SLC4A4: variants seen among roughly 807,000 people sequenced by gnomAD.
SLC4A4 encodes solute carrier family 4 member 4, also known as electrogenic sodium bicarbonate cotransporter 1.
A neutral mutation model predicts 111.5 loss-of-function variants in SLC4A4; 27 were observed. That is an observed-to-expected ratio of 0.24 (90% CI 0.18 to 0.33). The LOEUF (loss-of-function observed/expected upper bound fraction) is 0.33, where lower values mean the gene tolerates loss of function less well. SLC4A4 is among the 10% of genes least tolerant of loss of function. The pLI, the probability that SLC4A4 is intolerant of heterozygous loss-of-function variation, is 1.00. For missense variants in SLC4A4, 909 were observed against 1,315.5 expected, an observed-to-expected ratio of 0.69 and a Z score of 4.78; for synonymous variants, 443 against 463.4, an observed-to-expected ratio of 0.96 and a Z score of 0.57.
intron 6 of SLC4A4, among the ~76,000 whole-genome samples, chr4:71,385,189 A>ATTTTTTTT (rs1194914064): frequency 4.0e-4 from 6 of 15,000 alleles, no homozygotes; most frequent in African/African-American, 7.3e-4. Flanking sequence ...ATATATATAT[A>ATTTTTTTT]TATTTTTTTT....
chr4:71,566,676 A>T (rs1437604904), intron 24 of SLC4A4, among the ~76,000 whole-genome samples: 1 of 151,796 alleles, frequency 6.6e-6, no homozygotes, highest in Non-Finnish European at 1.5e-5. Context: ...CAGCAGGCAA[A>T]CCTAGGAATA....
chr4:71,155,566 G>A (rs868767756), intron 2 of SLC4A4, among the ~76,000 whole-genome samples: 1 of 152,046 alleles, frequency 6.6e-6, no homozygotes, highest in African/African-American at 2.4e-5. Flanking sequence ...GGGTTCAAGC[G>A]CTTCTCCCCC....
Position 71,319,745 on chromosome 4 carries a change from A to G in SLC4A4, c.254-19625A>G, listed in dbSNP as rs940984012. On this transcript the variant is annotated intron_variant, in intron 3 of 25. Transcript: ENST00000264485. Reference sequence around the variant, plus strand: ...ATTTGATTCCTCCAGCCATGGATGTACCTTTAGTATTCTCTTCACTCTTCC... The same window carrying G: ...ATTTGATTCCTCCAGCCATGGATGTGCCTTTAGTATTCTCTTCACTCTTCC... Among the ~76,000 whole-genome samples, 4 of 152,090 alleles carry G rather than the reference A, an allele frequency of 2.6e-5. No individual in the cohort carries two copies. In the South Asian group the frequency reaches 8.3e-4, roughly 31 times the overall value.
chr4:71,557,511 C>T (rs931732859), intron 21 of SLC4A4, among the ~76,000 whole-genome samples: 2 of 151,870 alleles, frequency 1.3e-5, no homozygotes, highest in African/African-American at 4.8e-5. Context: ...ACATAACATT[C>T]CCGCAATATA....
intron 14 of SLC4A4, chr4:71,473,382 G>T: frequency 5.2e-6 from 2 of 383,640 alleles, no homozygotes; most frequent in Non-Finnish European, 9.3e-6. Flanking sequence ...TTTAATACAT[G>T]ATTTTAAACT....
intron 7 of SLC4A4, among the ~76,000 whole-genome samples, chr4:71,406,849 T>C (rs1363457043): frequency 6.6e-6 from 1 of 152,124 alleles, no homozygotes; most frequent in Non-Finnish European, 1.5e-5. Flanking sequence ...GTACTCTTCA[T>C]CATTCAGTAG....
In SLC4A4 at chr4:71,567,869, C is replaced by A; in HGVS notation, c.*118C>A. ...AAGACAATGATTATTTCTGGAGGAG[C>A]AAGGGAACAGAAACTACATTGTAAC... On this transcript the variant is annotated 3_prime_UTR_variant, in exon 26 of 26. Coordinates refer to ENST00000264485, the MANE Select transcript of SLC4A4 (RefSeq NM_001098484.3). 1 of 1,526,434 alleles carries A rather than the reference C, an allele frequency of 6.6e-7. No individual in the cohort carries two copies. Among genetic ancestry groups the A allele is most frequent in the Non-Finnish European group, 8.9e-7 (1 of 1,129,872 alleles). 94.6% of individuals were successfully genotyped at this position (1,526,434 alleles called of 1,614,324 possible). A position where few individuals can be genotyped will look rare whatever the true frequency, so the allele number is the denominator to read the frequency against.
intron 6 of SLC4A4, among the ~76,000 whole-genome samples, chr4:71,357,862 C>T (rs879422051): frequency 6.6e-6 from 1 of 151,944 alleles, no homozygotes; most frequent in Admixed American, 6.6e-5. Context: ...TGTATCATGG[C>T]GTTTGTTTCA....
At chr4:71,190,325 T>C (rs1745668430) in intron 1 of SLC4A4, among the ~76,000 whole-genome samples, 1 of 151,910 alleles carries the variant, frequency 6.6e-6, no homozygotes, top group Admixed American at 6.6e-5. Context: ...TGCACAGCTT[T>C]GGTTATTTTT....
At chr4:71,113,616 A>T (rs1029417823) in intron 2 of SLC4A4, among the ~76,000 whole-genome samples, 38 of 152,148 alleles carry the variant, frequency 2.5e-4, no homozygotes, top group African/African-American at 8.7e-4. Context: ...TGCGGTGGTC[A>T]TGCACTTTAA....
At chr4:71,289,110 T>C (rs1724136963) in intron 3 of SLC4A4, among the ~76,000 whole-genome samples, 2 of 152,106 alleles carry the variant, frequency 1.3e-5, no homozygotes, top group Admixed American at 1.3e-4. Flanking sequence ...AGGATTCCAG[T>C]ACAGGCAGGA....
intron 3 of SLC4A4, among the ~76,000 whole-genome samples, chr4:71,292,565 C>T (rs780445175): frequency 8.6e-5 from 13 of 152,028 alleles, no homozygotes; most frequent in African/African-American, 1.2e-4. Context: ...TTTAGACAGA[C>T]GAACATGAAA....
chr4:71,518,623 G>A (rs1475744345), intron 16 of SLC4A4, among the ~76,000 whole-genome samples: 8 of 152,130 alleles, frequency 5.3e-5, no homozygotes, highest in African/African-American at 1.9e-4. Context: ...GTCTGCAGCT[G>A]GTGACCTGAG....
chr4:71,152,923 G>C (rs965814181), intron 2 of SLC4A4, among the ~76,000 whole-genome samples: 17 of 148,990 alleles, frequency 1.1e-4, no homozygotes, highest in Admixed American at 1.0e-3. Flanking sequence ...AAAAGGACTG[G>C]TATATATCAC....
chr4:71,412,438 T>C (rs1394469262), intron 7 of SLC4A4, among the ~76,000 whole-genome samples: 1 of 152,188 alleles, frequency 6.6e-6, no homozygotes, highest in Non-Finnish European at 1.5e-5. Flanking sequence ...ATAGATTTAT[T>C]GTTTTTTGCT....
upstream of SLC4A4, chr4:71,187,090 CT>C (rs1464639297): frequency 2.0e-5 from 3 of 152,172 alleles, no homozygotes; most frequent in Non-Finnish European, 4.4e-5. Flanking sequence ...GCGCTCGCCT[CT>C]CTCCGGAGCG....
chr4:71,103,569 A>G (rs1262834439), intron 2 of SLC4A4, among the ~76,000 whole-genome samples: 4 of 152,302 alleles, frequency 2.6e-5, no homozygotes, highest in South Asian at 4.1e-4. Flanking sequence ...GTAACAAACT[A>G]TCTCTCAGAC....
intron 7 of SLC4A4, among the ~76,000 whole-genome samples, chr4:71,404,343 A>G (rs1720643232): frequency 1.3e-5 from 2 of 152,196 alleles, no homozygotes; most frequent in Non-Finnish European, 2.9e-5. Context: ...GTGTAGGAAC[A>G]GGACAGAACA....
rs1176052062 is a variant in SLC4A4 at position 71,550,337 on chromosome 4, G to A, written c.2694+2617G>A. On this transcript the variant is annotated intron_variant, in intron 20 of 25. Transcript: ENST00000264485. ...ATAAAGTCAGCTACTTTCAGATTAT[G>A]TACCATTGAGGTTTGGTAAGTTAAG... Among the ~76,000 whole-genome samples the A allele has an allele frequency of 2.6e-5, 4 of 151,904 alleles. No individual in the cohort carries two copies. In the East Asian group the frequency reaches 7.8e-4, roughly 30 times the overall value.
Sources: gnomAD v4.1 joint callset for allele counts (sites outside exome capture counted in the v4.1 genomes callset) on GRCh38, gnomAD v4.1.1 for gene constraint, MANE v1.5 for transcripts, NCBI Gene and HGNC (gene_info 2026-07-23, HGNC 2026-07-21) for gene names.